The following DCLK3 variants were observed in gnomAD, a reference collection of about 807,000 sequenced individuals.
DCLK3 encodes the protein serine/threonine-protein kinase DCLK3.
In DCLK3, 30 loss-of-function variants were observed where a neutral mutation model predicts 46.4. The ratio of observed to expected loss-of-function variants is 0.65; its 90% CI spans 0.48 to 0.88. The LOEUF (loss-of-function observed/expected upper bound fraction) is 0.88, where lower values mean the gene tolerates loss of function less well. DCLK3 is among the 40% of genes least tolerant of loss of function. The pLI, the probability that DCLK3 is intolerant of heterozygous loss-of-function variation, is 0.00. For synonymous variants in DCLK3, 401 were observed against 339.2 expected (o/e 1.18, Z -2.00); for missense variants, 846 against 907.1 (o/e 0.93, Z 0.87).
intron 2 of DCLK3, among the ~76,000 whole-genome samples, chr3:36,735,629 C>G (rs779539168): frequency 2.0e-5 from 3 of 152,230 alleles, no homozygotes; most frequent in Non-Finnish European, 2.9e-5. Flanking sequence ...CCTTCCCCCA[C>G]CTTCCCAGCT....
chr3:36,756,899 C>CTCAGAGGCCCTCCAGGGGAGGCTACACA (rs1701490257), intron 1 of DCLK3, among the ~76,000 whole-genome samples: 2 of 151,266 alleles, frequency 1.3e-5, no homozygotes, highest in Non-Finnish European at 3.0e-5. Flanking sequence ...TCCAGATAGA[C>CTCAGAGGCCCTCCAGGGGAGGCTACACA]TCAGAGGCCC....
At chr3:36,728,421 G>C (rs992664874) in intron 2 of DCLK3, among the ~76,000 whole-genome samples, 2 of 152,212 alleles carry the variant, frequency 1.3e-5, no homozygotes, top group Non-Finnish European at 2.9e-5. Flanking sequence ...GTGAATCCAG[G>C]TGGACCAAGT....
At chr3:36,719,944 A>T (rs1000374407) in intron 3 of DCLK3, among the ~76,000 whole-genome samples, 18 of 152,316 alleles carry the variant, frequency 1.2e-4, no homozygotes, top group Admixed American at 5.9e-4. Context: ...AAGTCTAAAC[A>T]TCTCTAACCA....
intron 1 of DCLK3, among the ~76,000 whole-genome samples, chr3:36,748,965 G>T (rs916335375): frequency 2.0e-5 from 3 of 152,126 alleles, no homozygotes; most frequent in African/African-American, 7.2e-5. Flanking sequence ...ATGCTGGTTG[G>T]CTTTGACCAG....
chr3:36,757,716 C>T (rs1701498714), intron 1 of DCLK3, among the ~76,000 whole-genome samples: 1 of 152,176 alleles, frequency 6.6e-6, no homozygotes, highest in Non-Finnish European at 1.5e-5. Flanking sequence ...TACGGCAGAA[C>T]ACAGTTCTGG....
intron 1 of DCLK3, among the ~76,000 whole-genome samples, chr3:36,740,182 T>C (rs1701329772): frequency 6.6e-6 from 1 of 151,038 alleles, no homozygotes; most frequent in Admixed American, 6.6e-5. Context: ...CCTCCCAGGG[T>C]TTTTGTGAAG....
Position 36,737,534 on chromosome 3 carries a change from G to A in DCLK3, c.1633C>T (p.Arg545Cys), listed in dbSNP as rs778835744. Residue 545 changes from arginine (R) to cysteine (C), a missense_variant, in exon 2 of 5, where the codon CGC becomes TGC. By Grantham distance (180) the Arg-to-Cys change is radical (BLOSUM62 -3). Transcript: ENST00000636136. This position sits in a 1 kb window ranked among gnomAD's most constrained non-coding sequence, Gnocchi z 4.4. Reference sequence around the variant, plus strand: ...ATCGCATAGGCCTGCCTGGTCTCGCGGTGTCTGCACTCCTTCACGACAGCA... The same window carrying A: ...ATCGCATAGGCCTGCCTGGTCTCGCAGTGTCTGCACTCCTTCACGACAGCA... ...NFAVVKECRH[R>C]ETRQAYAMKI... 2.5e-5 allele frequency: 40 copies of A among 1,613,956 alleles called. 1 individual carries two copies. Among genetic ancestry groups the A allele is most frequent in the South Asian group, 4.4e-5 (4 of 91,062 alleles).
intron 1 of DCLK3, among the ~76,000 whole-genome samples, chr3:36,759,025 G>A (rs1701513258): frequency 6.6e-6 from 1 of 152,096 alleles, no homozygotes; most frequent in Non-Finnish European, 1.5e-5. Context: ...TGGTTATGTG[G>A]TCATATGAAA....
At chr3:36,750,677 A>G (rs1352550926) in intron 1 of DCLK3, among the ~76,000 whole-genome samples, 1 of 152,238 alleles carries the variant, frequency 6.6e-6, no homozygotes, top group Non-Finnish European at 1.5e-5. Flanking sequence ...TAGAACTGCA[A>G]GGATAGTAGC....
At chr3:36,719,360 G>A (rs1013474238) in intron 3 of DCLK3, among the ~76,000 whole-genome samples, 1 of 152,168 alleles carries the variant, frequency 6.6e-6, no homozygotes, top group Non-Finnish European at 1.5e-5. Context: ...TTAAGCCCCA[G>A]AGTAAGTTTG....
intron 2 of DCLK3, among the ~76,000 whole-genome samples, chr3:36,732,556 G>A (rs545911806): frequency 6.6e-6 from 1 of 152,168 alleles, no homozygotes; most frequent in Non-Finnish European, 1.5e-5. Context: ...TCACTGACTC[G>A]ATCAAAATTG....
chr3:36,746,241 T>C (rs1020411275), intron 1 of DCLK3, among the ~76,000 whole-genome samples: 7 of 152,336 alleles, frequency 4.6e-5, no homozygotes, highest in Middle Eastern at 6.8e-3. Flanking sequence ...GAACTCTGTA[T>C]GGTCTCTGAC....
chr3:36,753,407 C>T (rs1343812291), intron 1 of DCLK3, among the ~76,000 whole-genome samples: 1 of 152,154 alleles, frequency 6.6e-6, no homozygotes, highest in Non-Finnish European at 1.5e-5. Flanking sequence ...AATACAAAGA[C>T]CCCAGTCTGT....
chr3:36,725,015 TAAA>T (rs747789503), intron 2 of DCLK3, among the ~76,000 whole-genome samples: 1 of 142,482 alleles, frequency 7.0e-6, no homozygotes, highest in Non-Finnish European at 1.5e-5. Flanking sequence ...TCTCATTTGT[TAAA>T]AAAAAAAAAA....
intron 1 of DCLK3, among the ~76,000 whole-genome samples, chr3:36,745,233 T>C (rs1013934900): frequency 6.6e-6 from 1 of 152,140 alleles, no homozygotes; most frequent in African/African-American, 2.4e-5. Flanking sequence ...ATTAAAGAGA[T>C]TTTACCTTTT....
Position 36,737,417 on chromosome 3 carries a change from C to T in DCLK3, c.1750G>A (p.Val584Met), listed in dbSNP as rs1211574673. 1.9e-6 allele frequency: 3 copies of T among 1,614,048 alleles called. No homozygotes were observed. Among genetic ancestry groups the T allele is most frequent in the African/African-American group, 2.7e-5 (2 of 74,916 alleles). Residue 584 changes from valine (V) to methionine (M), a missense_variant, in exon 2 of 5, where the codon GTG (valine) becomes ATG (methionine). Physicochemically the swap from Val to Met is conservative, Grantham distance 21 (BLOSUM62 1). This residue lies in a region of DCLK3 where 247 missense variants were observed against 322.8 expected (regional missense o/e 0.77). Transcript: ENST00000636136. This position sits in a 1 kb window ranked among gnomAD's most constrained non-coding sequence, Gnocchi z 4.4. ...GTTTCGTAGACTTCATGCAATTTCA[C>T]GATGTTGGGGTGAGAGAGGCTCTGG... ...IIQSLSHPNI[V>M]KLHEVYETDM...
intron 3 of DCLK3, among the ~76,000 whole-genome samples, chr3:36,719,408 A>T (rs979462372): frequency 2.0e-5 from 3 of 152,240 alleles, no homozygotes; most frequent in African/African-American, 7.2e-5. Context: ...TAAAAGAATA[A>T]GTCACTAATG....
At chr3:36,725,340 G>C (rs1169874260) in intron 2 of DCLK3, among the ~76,000 whole-genome samples, 1 of 151,584 alleles carries the variant, frequency 6.6e-6, no homozygotes, top group Admixed American at 6.6e-5. Context: ...GGGTGGGGCA[G>C]GTGCAGTGGC....
chr3:36,763,426 G>A (rs1160341809), intron 1 of DCLK3, among the ~76,000 whole-genome samples: 1 of 152,210 alleles, frequency 6.6e-6, no homozygotes, highest in Non-Finnish European at 1.5e-5. Flanking sequence ...CGCCCCCAGG[G>A]CCAGACATGG....
Sources: allele counts gnomAD v4.1 joint callset (sites outside exome capture counted in the v4.1 genomes callset), GRCh38; gene constraint gnomAD v4.1.1; regional missense constraint gnomAD v4.1.1; non-coding constraint Gnocchi (gnomAD v3.1); transcripts MANE v1.5; gene names NCBI Gene and HGNC (gene_info 2026-07-23, HGNC 2026-07-21).